ZHX2: variants seen among roughly 807,000 people sequenced by gnomAD.
The protein encoded by ZHX2 is zinc fingers and homeoboxes 2, also known as zinc fingers and homeoboxes protein 2.
ZHX2 carries 6 observed loss-of-function variants against 21.9 expected under a neutral mutation model. That is an observed-to-expected ratio of 0.27 (90% confidence interval 0.15 to 0.54). The LOEUF is 0.54. Ranked by LOEUF, ZHX2 falls within the 20% of genes least tolerant of loss-of-function variation. The pLI is 0.95. For synonymous variants in ZHX2, 434 were observed against 437.1 expected (o/e 0.99, Z 0.09); for missense variants, 908 against 1,090.7 (o/e 0.83, Z 2.36).
chr8:122,878,072 CTGTGTG>C (rs34978922), intron 2 of ZHX2, among the ~76,000 whole-genome samples: 1 of 150,612 alleles, frequency 6.6e-6, no homozygotes, highest in South Asian at 2.1e-4. Context: ...GGTAAAAGTT[CTGTGTG>C]TGTGTGTGTG....
intron 1 of ZHX2, among the ~76,000 whole-genome samples, chr8:122,851,765 A>G (rs930971464): frequency 6.6e-6 from 1 of 152,204 alleles, no homozygotes; most frequent in Non-Finnish European, 1.5e-5. Flanking sequence ...GGGGGCTCAG[A>G]AAGAGTAAAT....
chr8:122,907,012 A>G (rs1820365844), intron 2 of ZHX2, among the ~76,000 whole-genome samples: 1 of 152,180 alleles, frequency 6.6e-6, no homozygotes, highest in Non-Finnish European at 1.5e-5. Context: ...GAAATTAAAA[A>G]ATTTAAGTGG....
chr8:122,802,745 A>C (rs1208270260), intron 1 of ZHX2, among the ~76,000 whole-genome samples: 3 of 152,158 alleles, frequency 2.0e-5, no homozygotes, highest in Non-Finnish European at 2.9e-5. Context: ...CTGGGTCCCA[A>C]CGCCTGGCTG....
At chr8:122,796,472 A>G (rs932350971) in intron 1 of ZHX2, among the ~76,000 whole-genome samples, 39 of 152,184 alleles carry the variant, frequency 2.6e-4, no homozygotes, top group East Asian at 1.9e-4. Flanking sequence ...CATCTTGTGT[A>G]ATAGGAAAAT....
Position 122,952,593 on chromosome 8 carries a change from C to A in ZHX2, c.1083C>A (p.Ile361=). 1 of 1,614,210 alleles carries A rather than the reference C, an allele frequency of 6.2e-7. No homozygotes were observed. Residue 361 remains isoleucine, a synonymous_variant, in exon 3 of 4, where the codon ATC becomes ATA. Coordinates refer to ENST00000314393, the MANE Select transcript of ZHX2 (RefSeq NM_014943.5). This position sits in a 1 kb window ranked among gnomAD's most constrained non-coding sequence, Gnocchi z 6.9. ...CCCCCACAAAGGTGACGCAGCCCATCCTCCAGACGGCTCTACCGTGCCAGA... is the reference window on the plus strand; with the variant it reads ...CCCCCACAAAGGTGACGCAGCCCATACTCCAGACGGCTCTACCGTGCCAGA... The part of the protein sequence containing the change: ...QLAPTKVTQP[I]LQTALPCQIL...
chr8:122,863,966 T>C (rs1340484372), intron 2 of ZHX2, among the ~76,000 whole-genome samples: 1 of 152,074 alleles, frequency 6.6e-6, no homozygotes, highest in African/African-American at 2.4e-5. Context: ...AAGCCACCTT[T>C]GCACATTTGA....
At chr8:122,942,869 A>C (rs1468038087) in intron 2 of ZHX2, among the ~76,000 whole-genome samples, 2 of 152,208 alleles carry the variant, frequency 1.3e-5, no homozygotes, top group Non-Finnish European at 2.9e-5. Context: ...AGAACAAAGG[A>C]TGCAGAGGAG....
intron 1 of ZHX2, among the ~76,000 whole-genome samples, chr8:122,838,060 T>C (rs1818543427): frequency 6.6e-6 from 1 of 152,154 alleles, no homozygotes; most frequent in South Asian, 2.1e-4. Flanking sequence ...GAGAGGAGAT[T>C]TGCATTTCTA....
chr8:122,797,557 C>G (rs563953428), intron 1 of ZHX2, among the ~76,000 whole-genome samples: 1 of 152,270 alleles, frequency 6.6e-6, no homozygotes, highest in African/African-American at 2.4e-5. Flanking sequence ...AACAGGATTC[C>G]TGAATCCAGG....
chr8:122,903,828 G>C (rs1820286751), intron 2 of ZHX2, among the ~76,000 whole-genome samples: 1 of 152,112 alleles, frequency 6.6e-6, no homozygotes, highest in Non-Finnish European at 1.5e-5. Flanking sequence ...GGTTAGAAAT[G>C]GGGCTTCAGT....
intron 2 of ZHX2, among the ~76,000 whole-genome samples, chr8:122,868,744 C>T (rs916872264): frequency 1.3e-5 from 2 of 151,282 alleles, no homozygotes; most frequent in Non-Finnish European, 2.9e-5. Context: ...GCGGGGCTCA[C>T]CTATGGTCAA....
intron 3 of ZHX2, among the ~76,000 whole-genome samples, chr8:122,957,081 A>G (rs1418645190): frequency 1.3e-5 from 2 of 152,186 alleles, no homozygotes; most frequent in African/African-American, 4.8e-5. Context: ...CTGACTATAC[A>G]TGGTCTTACT....
Position 122,953,572 on chromosome 8 carries a change from G to A in ZHX2, c.2062G>A (p.Val688Met), listed in dbSNP as rs144984915. ...CAGATGCTTGCTGAAAACGGGAACC[G>A]TGAAGTGGATGGAGCAGTACCAGCA... ...ENRCLLKTGTVKWMEQYQHQP... is the reference protein window; with the variant it reads ...ENRCLLKTGTMKWMEQYQHQP... The change falls in exon 3 of 4, where the codon GTG (valine) becomes ATG (methionine). Residue 688 changes from valine to methionine, a missense_variant. By Grantham distance (21) the Val-to-Met change is conservative. Transcript: ENST00000314393. The surrounding 1 kb of genome is among the most constrained non-coding windows in gnomAD (Gnocchi z 4.6). 2.9e-4 allele frequency: 466 copies of A among 1,614,178 alleles called. 2 individuals are homozygous for A. The South Asian group carries it at 4.3e-3, about 15-fold the overall frequency.
intron 2 of ZHX2, among the ~76,000 whole-genome samples, chr8:122,915,658 T>C (rs1181909141): frequency 1.3e-5 from 2 of 152,164 alleles, no homozygotes; most frequent in African/African-American, 4.8e-5. Context: ...AGGCTTTGGG[T>C]TCTAGCAGCA....
intron 2 of ZHX2, among the ~76,000 whole-genome samples, chr8:122,945,303 T>C (rs530514242): frequency 5.6e-4 from 85 of 152,092 alleles, no homozygotes; most frequent in African/African-American, 2.0e-3. Flanking sequence ...GCATTCCACT[T>C]GCAACAGGGA....
At chr8:122,891,433 T>C (rs575662722) in intron 2 of ZHX2, among the ~76,000 whole-genome samples, 25 of 152,212 alleles carry the variant, frequency 1.6e-4, no homozygotes, top group African/African-American at 4.3e-4. Flanking sequence ...TTATTTCTGC[T>C]CTGATCTTTA....
At chr8:122,917,664 A>G (rs982788270) in intron 2 of ZHX2, among the ~76,000 whole-genome samples, 2 of 152,154 alleles carry the variant, frequency 1.3e-5, no homozygotes, top group Non-Finnish European at 2.9e-5. Flanking sequence ...GATGACTAAC[A>G]TGGTCTTCTT....
chr8:122,887,340 C>T (rs1819868087), intron 2 of ZHX2, among the ~76,000 whole-genome samples: 1 of 151,532 alleles, frequency 6.6e-6, no homozygotes, highest in African/African-American at 2.4e-5. Context: ...ATGGTAAAAC[C>T]CCATCCTTCT....
At chr8:122,938,460 G>A (rs1812761426) in intron 2 of ZHX2, among the ~76,000 whole-genome samples, 1 of 152,106 alleles carries the variant, frequency 6.6e-6, no homozygotes, top group South Asian at 2.1e-4. Flanking sequence ...GGATGGATGA[G>A]TTCACCAAGA....
Sources: gnomAD v4.1 joint callset for allele counts (sites outside exome capture counted in the v4.1 genomes callset) on GRCh38, gnomAD v4.1.1 for gene constraint, Gnocchi (gnomAD v3.1) non-coding constraint, MANE v1.5 for transcripts, NCBI Gene and HGNC (gene_info 2026-07-23, HGNC 2026-07-21) for gene names.